The following SUGCT variants were observed in gnomAD, a reference collection of about 807,000 sequenced individuals.
SUGCT encodes succinyl-CoA:glutarate CoA-transferase.
Under a neutral mutation model 55.0 loss-of-function variants are expected in SUGCT, and 41 were observed. The observed-to-expected ratio is 0.74, with a 90% CI of 0.58 to 0.97. SUGCT has a LOEUF of 0.97. SUGCT is among the 50% of genes least tolerant of loss of function. The pLI is 0.00. For missense variants in SUGCT, 568 were observed against 547.8 expected (o/e 1.04, Z -0.37); for synonymous variants, 187 against 200.4 (o/e 0.93, Z 0.56).
At chr7:40,432,552 G>C (rs1787950207) in intron 9 of SUGCT, among the ~76,000 whole-genome samples, 3 of 152,010 alleles carry the variant, frequency 2.0e-5, no homozygotes. Flanking sequence ...TGGGTATGGT[G>C]GTGGGCACCT....
chr7:40,254,724 G>C (rs945840694), intron 7 of SUGCT, among the ~76,000 whole-genome samples: 2 of 151,632 alleles, frequency 1.3e-5, no homozygotes, highest in African/African-American at 4.8e-5. Flanking sequence ...AAAAGATCAT[G>C]CAATCTTCTG....
the SUGCT span, among the ~76,000 whole-genome samples, chr7:41,017,867 C>G: frequency 6.6e-6 from 1 of 151,726 alleles, no homozygotes; most frequent in Non-Finnish European, 1.5e-5. Context: ...AGGATGCTTT[C>G]CATTTCACAT....
At chr7:40,406,171 A>G (rs1188577086) in intron 9 of SUGCT, among the ~76,000 whole-genome samples, 4 of 152,170 alleles carry the variant, frequency 2.6e-5, no homozygotes, top group Non-Finnish European at 5.9e-5. Flanking sequence ...TTGCTGAGTC[A>G]GTTCTTACAG....
At chr7:40,352,007 T>C (rs1401298503) in intron 9 of SUGCT, among the ~76,000 whole-genome samples, 3 of 152,254 alleles carry the variant, frequency 2.0e-5, no homozygotes, top group Admixed American at 2.0e-4. Flanking sequence ...AAGAAGCTTC[T>C]GTTATGCACC....
chr7:40,821,835 C>A (rs1316035388), intron 13 of SUGCT, among the ~76,000 whole-genome samples: 1 of 152,118 alleles, frequency 6.6e-6, no homozygotes, highest in African/African-American at 2.4e-5. Context: ...TCTTGCTTCT[C>A]TAGTTCTTTT....
chr7:40,200,148 T>TA (rs1472336050), intron 6 of SUGCT, among the ~76,000 whole-genome samples: 1 of 152,148 alleles, frequency 6.6e-6, no homozygotes, highest in Non-Finnish European at 1.5e-5. Flanking sequence ...CTCCCCTCCT[T>TA]ATTTCCTTCC....
At chr7:40,698,507 C>A (rs1412687136) in intron 12 of SUGCT, among the ~76,000 whole-genome samples, 2 of 152,128 alleles carry the variant, frequency 1.3e-5, no homozygotes, top group African/African-American at 4.8e-5. Context: ...TGGTCAGCAT[C>A]CAAGAGGAAG....
intron 11 of SUGCT, among the ~76,000 whole-genome samples, chr7:40,479,938 T>G (rs1307423964): frequency 6.6e-6 from 1 of 152,134 alleles, no homozygotes; most frequent in Non-Finnish European, 1.5e-5. Context: ...AAATATATGG[T>G]TTGTAAATAT....
intron 7 of SUGCT, among the ~76,000 whole-genome samples, chr7:40,249,313 C>CTATCTATATCTATATATCTATATCTATA (rs1324264789): frequency 1.3e-5 from 1 of 79,518 alleles, no homozygotes; most frequent in Non-Finnish European, 2.3e-5. Flanking sequence ...CACCAAAAAG[C>CTATCTATATCTATATATCTATATCTATA]TATATATATA....
chr7:40,921,332 T>C, the SUGCT span, among the ~76,000 whole-genome samples: 1 of 152,200 alleles, frequency 6.6e-6, no homozygotes, highest in African/African-American at 2.4e-5. Context: ...CACAGGTCCC[T>C]GAACCTTGTG....
At chr7:40,468,440 G>T (rs1215778905) in intron 11 of SUGCT, among the ~76,000 whole-genome samples, 2 of 150,712 alleles carry the variant, frequency 1.3e-5, no homozygotes, top group Non-Finnish European at 3.0e-5. Flanking sequence ...TCCTTTTTTG[G>T]CCTACCCCAT....
intron 11 of SUGCT, among the ~76,000 whole-genome samples, chr7:40,467,665 A>G (rs1790193090): frequency 6.6e-6 from 1 of 152,122 alleles, no homozygotes; most frequent in South Asian, 2.1e-4. Flanking sequence ...CTCATTTCCA[A>G]GATTTTTTTT....
chr7:40,217,359 TGCCACTACACCAG>T, intron 6 of SUGCT: 1 of 412,278 alleles, frequency 2.4e-6, no homozygotes, highest in Non-Finnish European at 4.9e-6. Context: ...TACAGGCTCG[TGCCACTACACCAG>T]GCTAATTTTT....
intron 12 of SUGCT, among the ~76,000 whole-genome samples, chr7:40,626,575 A>G (rs950955919): frequency 6.6e-6 from 1 of 152,142 alleles, no homozygotes; most frequent in Non-Finnish European, 1.5e-5. Flanking sequence ...ATAGAATTTT[A>G]GGAGTATAGC....
intron 9 of SUGCT, among the ~76,000 whole-genome samples, chr7:40,435,891 C>G (rs1788146386): frequency 6.6e-6 from 1 of 151,640 alleles, no homozygotes; most frequent in African/African-American, 2.4e-5. Context: ...CAAAATTTTT[C>G]ATCTCCCATA....
chr7:40,769,340 C>G (rs1400463007), intron 13 of SUGCT, among the ~76,000 whole-genome samples: 1 of 152,080 alleles, frequency 6.6e-6, no homozygotes, highest in Non-Finnish European at 1.5e-5. Context: ...TGAACAATGC[C>G]CTCTAAATAT....
intron 13 of SUGCT, among the ~76,000 whole-genome samples, chr7:40,762,534 T>C (rs1788582769): frequency 6.6e-6 from 1 of 152,098 alleles, no homozygotes; most frequent in Non-Finnish European, 1.5e-5. Flanking sequence ...TATTTAACAG[T>C]AGGGGTGATT....
chr7:40,157,660 A>T (rs540914179), intron 1 of SUGCT, among the ~76,000 whole-genome samples: 1 of 152,290 alleles, frequency 6.6e-6, no homozygotes, highest in African/African-American at 2.4e-5. Context: ...TATTCCTAAA[A>T]CTTTTCAGAT....
chr7:40,795,014 C>T (rs974112297), intron 13 of SUGCT, among the ~76,000 whole-genome samples: 7 of 152,048 alleles, frequency 4.6e-5, no homozygotes, highest in African/African-American at 1.2e-4. Flanking sequence ...CCTGGAATAG[C>T]GCTTCCCAAA....
Sources: allele counts gnomAD v4.1 joint callset (sites outside exome capture counted in the v4.1 genomes callset), GRCh38; gene constraint gnomAD v4.1.1; transcripts MANE v1.5; gene names NCBI Gene and HGNC (gene_info 2026-07-23, HGNC 2026-07-21).